CEP57L1: variants seen among roughly 807,000 people sequenced by gnomAD.
CEP57L1 encodes centrosomal protein CEP57L1.
In CEP57L1, 37 loss-of-function variants were observed where a neutral mutation model predicts 61.0. The ratio of observed to expected loss-of-function variants is 0.61; its 90% CI spans 0.47 to 0.80. The LOEUF (loss-of-function observed/expected upper bound fraction) is 0.80. Ranked by LOEUF, CEP57L1 falls within the 30% of genes least tolerant of loss-of-function variation. CEP57L1 has a pLI of 0.00. For missense variants in CEP57L1, 422 were observed against 524.7 expected (o/e 0.80, Z 1.91); for synonymous variants, 137 against 162.3 (o/e 0.84, Z 1.19).
intron 1 of CEP57L1, among the ~76,000 whole-genome samples, chr6:109,104,204 T>G (rs959396072): frequency 3.9e-5 from 6 of 152,192 alleles, no homozygotes; most frequent in Admixed American, 3.9e-4. Flanking sequence ...AGAGCTTATC[T>G]GTGTTGCTAA....
intron 1 of CEP57L1, among the ~76,000 whole-genome samples, chr6:109,128,195 G>A (rs1202594104): frequency 1.3e-5 from 2 of 152,084 alleles, no homozygotes; most frequent in African/African-American, 4.8e-5. Flanking sequence ...GTGTCTGTAA[G>A]CACCTCATAT....
rs533140904 is a variant in CEP57L1, at chr6:109,121,132, A to C, written c.-3-24087A>C. Among the ~76,000 whole-genome samples, 6 of 152,178 alleles carry C rather than the reference A, an allele frequency of 3.9e-5. No homozygotes were observed. The South Asian group carries it at 1.2e-3, about 32-fold the overall frequency. On this transcript the variant is annotated intron_variant, in intron 1 of 10. Transcript: ENST00000517392. ...TCTTGAGGACCTTCACCCACTAAAA[A>C]CGGGGAAGTTAGCAGTGGTTGTTTG...
intron 1 of CEP57L1, among the ~76,000 whole-genome samples, chr6:109,121,755 A>G (rs1216065747): frequency 6.6e-6 from 1 of 152,230 alleles, no homozygotes; most frequent in Non-Finnish European, 1.5e-5. Flanking sequence ...TTCTTGTTTT[A>G]AAATGGATGA....
At chr6:109,149,560 C>T (rs1035490808) in intron 3 of CEP57L1, among the ~76,000 whole-genome samples, 3 of 151,220 alleles carry the variant, frequency 2.0e-5, no homozygotes, top group Non-Finnish European at 4.4e-5. Flanking sequence ...CGTGATGCCT[C>T]CAGCTTTGTT....
chr6:109,154,718 C>A lies in CEP57L1; in HGVS notation c.580-512C>A, dbSNP rs555086948. ...AAATATTCCAAAATCTAAAATATCTCTGGTTCCAAACACTTAAGATAAGGG... is the reference window on the plus strand; with the variant it reads ...AAATATTCCAAAATCTAAAATATCTATGGTTCCAAACACTTAAGATAAGGG... On this transcript the variant is annotated intron_variant, in intron 5 of 10. Coordinates refer to ENST00000517392, the MANE Select transcript of CEP57L1 (RefSeq NM_001271852.3). Among the ~76,000 whole-genome samples, 3 of 152,190 alleles carry A rather than the reference C, an allele frequency of 2.0e-5. No individual in the cohort carries two copies. The South Asian group carries it at 6.2e-4, about 32-fold the overall frequency.
At position 109,155,877 on chromosome 6, in the gene CEP57L1, G is replaced by T; in HGVS notation, c.744G>T (p.Lys248Asn). Residue 248 changes from lysine (K) to asparagine (N), a missense_variant and splice_region_variant, in exon 7 of 11, where the codon AAG becomes AAT. Physicochemically the swap from Lys to Asn is moderately conservative, Grantham distance 94 (BLOSUM62 0). Coordinates refer to ENST00000517392, the MANE Select transcript of CEP57L1 (RefSeq NM_001271852.3). ...CCAAGGAAAAGAAGAAATCTTCAAA[G>T]GTGTGCATATAAAATTTTTTCCCAA... is the stretch of plus-strand genomic sequence containing the variant. ...KHSKEKKKSS[K>N]KTKCIKRRPP... The T allele has an allele frequency of 6.5e-7, 1 of 1,538,270 alleles. No homozygotes were observed. Among genetic ancestry groups the T allele is most frequent in the Non-Finnish European group, 8.9e-7 (1 of 1,122,140 alleles).
At chr6:109,110,503 T>G (rs1243704170) in intron 1 of CEP57L1, among the ~76,000 whole-genome samples, 2 of 152,228 alleles carry the variant, frequency 1.3e-5, no homozygotes, top group East Asian at 3.8e-4. Flanking sequence ...TAGTTTCTTT[T>G]GCTATGCAGA....
At chr6:109,121,665 T>A (rs1157891528) in intron 1 of CEP57L1, among the ~76,000 whole-genome samples, 1 of 152,172 alleles carries the variant, frequency 6.6e-6, no homozygotes, top group African/African-American at 2.4e-5. Flanking sequence ...TCCAATTTCA[T>A]TATCAAAATC....
At chr6:109,140,977 C>T (rs1444128504) in intron 1 of CEP57L1, among the ~76,000 whole-genome samples, 1 of 150,860 alleles carries the variant, frequency 6.6e-6, no homozygotes, top group Admixed American at 6.6e-5. Flanking sequence ...ACTACGGGCG[C>T]CCACCACCAC....
At chr6:109,153,116 A>AAAAAG (rs372166470) in intron 4 of CEP57L1, among the ~76,000 whole-genome samples, 78 of 151,736 alleles carry the variant, frequency 5.1e-4, no homozygotes, top group African/African-American at 1.4e-3. Context: ...CTCAAAAAAA[A>AAAAAG]AAAAGAAAAG....
chr6:109,136,269 C>T (rs1206294774), intron 1 of CEP57L1, among the ~76,000 whole-genome samples: 1 of 152,104 alleles, frequency 6.6e-6, no homozygotes, highest in African/African-American at 2.4e-5. Flanking sequence ...TTTGTAGGGA[C>T]ATGGATGAAG....
upstream of CEP57L1, chr6:109,095,226 C>G (rs972524438): frequency 2.0e-5 from 20 of 985,416 alleles, no homozygotes; most frequent in Non-Finnish European, 2.0e-5. Context: ...CGTTTGGACT[C>G]TGTCCTGGAG....
At chr6:109,130,045 A>G (rs1348866464) in intron 1 of CEP57L1, among the ~76,000 whole-genome samples, 1 of 152,168 alleles carries the variant, frequency 6.6e-6, no homozygotes, top group Non-Finnish European at 1.5e-5. Flanking sequence ...AGAGAGTGTT[A>G]ATCTCTCCTT....
At position 109,128,792 on chromosome 6, in the gene CEP57L1, C is replaced by G. The variant is rs367947731; in HGVS notation, c.-3-16427C>G. On this transcript the variant is annotated intron_variant, in intron 1 of 10. Coordinates refer to ENST00000517392, the MANE Select transcript of CEP57L1 (RefSeq NM_001271852.3). Reference sequence around the variant, plus strand: ...TCTGTCTTCACTAATGGTATATTTCCAGTTTTCGTGTTCCTGCTAAACCTC... The same window carrying G: ...TCTGTCTTCACTAATGGTATATTTCGAGTTTTCGTGTTCCTGCTAAACCTC... Among the ~76,000 whole-genome samples, 5 of 152,262 alleles carry G rather than the reference C, an allele frequency of 3.3e-5. No individual in the cohort carries two copies. In the East Asian group the frequency reaches 9.7e-4, roughly 29 times the overall value.
chr6:109,154,029 T>A, intron 5 of CEP57L1, 80 bp downstream of exon 5: 1 of 765,414 alleles, frequency 1.3e-6, no homozygotes, highest in Non-Finnish European at 2.2e-6. Flanking sequence ...GAATGTAGAG[T>A]AAATCTTAGA....
At chr6:109,102,243 G>A (rs1436612086) in intron 1 of CEP57L1, among the ~76,000 whole-genome samples, 1 of 152,080 alleles carries the variant, frequency 6.6e-6, no homozygotes, top group Non-Finnish European at 1.5e-5. Context: ...GGTCACCCAG[G>A]TTGGAGTGCA....
chr6:109,152,324 G>C (rs1025741166), intron 4 of CEP57L1, among the ~76,000 whole-genome samples: 5 of 152,060 alleles, frequency 3.3e-5, no homozygotes, highest in African/African-American at 1.2e-4. Context: ...GGGATTACAG[G>C]CGCCCGCCAC....
intron 1 of CEP57L1, among the ~76,000 whole-genome samples, chr6:109,132,863 C>A (rs775261649): frequency 2.0e-5 from 3 of 152,104 alleles, no homozygotes; most frequent in Non-Finnish European, 4.4e-5. Context: ...TGAGGTTGAG[C>A]ATCTTTTCCT....
intron 1 of CEP57L1, among the ~76,000 whole-genome samples, chr6:109,110,737 T>G (rs1039963836): frequency 1.3e-5 from 2 of 152,230 alleles, no homozygotes; most frequent in Non-Finnish European, 2.9e-5. Context: ...TTCAGCTCTC[T>G]GCATATGACT....
Sources: allele counts gnomAD v4.1 joint callset (sites outside exome capture counted in the v4.1 genomes callset), GRCh38; gene constraint gnomAD v4.1.1; transcripts MANE v1.5; gene names NCBI Gene and HGNC (gene_info 2026-07-23, HGNC 2026-07-21).